ZNF600: variants seen among roughly 807,000 people sequenced by gnomAD.
ZNF600 encodes the protein zinc finger protein KR-ZNF1.
ZNF600 carries 4 observed loss-of-function variants against 7.3 expected under a neutral mutation model. The observed-to-expected ratio is 0.55, with a 90% CI of 0.27 to 1.25. The LOEUF (loss-of-function observed/expected upper bound fraction) is 1.25, where lower values mean the gene tolerates loss of function less well. Among genes scored for constraint, ZNF600 ranks in the 50% most tolerant of loss-of-function variants. The pLI, the probability that ZNF600 is intolerant of heterozygous loss-of-function variation, is 0.12. For synonymous variants in ZNF600, 290 were observed against 308.9 expected (o/e 0.94, Z 0.64); for missense variants, 911 against 922.1 (o/e 0.99, Z 0.16).
At chr19:52,798,735 G>C in the ZNF600 span, 1 of 516,738 alleles carries the variant, frequency 1.9e-6, no homozygotes, top group Admixed American at 2.4e-5. Flanking sequence ...ATATATGAAC[G>C]ATATCTGAAA....
the ZNF600 span, chr19:52,799,442 T>C: frequency 1.3e-5 from 10 of 777,014 alleles, no homozygotes; most frequent in African/African-American, 1.0e-4. Context: ...ATTTGTAAAG[T>C]TTCTCTGCAG....
chr19:52,777,118 G>A (rs1363700200), intron 2 of ZNF600, among the ~76,000 whole-genome samples: 1 of 152,046 alleles, frequency 6.6e-6, no homozygotes, highest in African/African-American at 2.4e-5. Flanking sequence ...TGGTGGCTCA[G>A]GCCTGTAATC....
intron 1 of ZNF600, among the ~76,000 whole-genome samples, chr19:52,784,206 T>C (rs938869917): frequency 6.6e-6 from 1 of 151,768 alleles, no homozygotes; most frequent in Non-Finnish European, 1.5e-5. Context: ...CTGGGAAACA[T>C]ACTGAAACCC....
the ZNF600 span, chr19:52,799,212 T>TC: frequency 2.6e-6 from 1 of 390,512 alleles, no homozygotes; most frequent in Non-Finnish European, 5.0e-6. Flanking sequence ...ACGAATTGCC[T>TC]TTTGAATTAC....
intron 3 of ZNF600, 63 bp downstream of exon 5, chr19:52,774,512 C>G: frequency 1.0e-6 from 1 of 966,162 alleles, no homozygotes; most frequent in Non-Finnish European, 1.2e-6. Flanking sequence ...GAACACAAAA[C>G]CAGGAAGGGC....
upstream of ZNF600, among the ~76,000 whole-genome samples, chr19:52,787,381 ATCTC>A (rs1304887134): frequency 7.1e-6 from 1 of 140,168 alleles, no homozygotes; most frequent in Non-Finnish European, 1.5e-5. Flanking sequence ...CCTCTTCCTG[ATCTC>A]TCTCTCGCTC....
the ZNF600 span, among the ~76,000 whole-genome samples, chr19:52,817,397 A>C: frequency 6.6e-6 from 1 of 152,084 alleles, no homozygotes; most frequent in Non-Finnish European, 1.5e-5. Context: ...TAATGAAGGA[A>C]TCATTAATGT....
chr19:52,822,074 C>CTTTTT, the ZNF600 span, among the ~76,000 whole-genome samples: 22,319 of 78,544 alleles, frequency 0.28, 3,735 homozygotes, highest in Non-Finnish European at 0.42. Flanking sequence ...TTCTTTTTCC[C>CTTTTT]TTTTTTTTTT....
chr19:52,771,975 TCAA>T (rs2062633731), intron 3 of ZNF600, among the ~76,000 whole-genome samples: 1 of 152,248 alleles, frequency 6.6e-6, no homozygotes, highest in African/African-American at 2.4e-5. Context: ...CATCTCATCA[TCAA>T]CATCACTGAA....
the ZNF600 span, among the ~76,000 whole-genome samples, chr19:52,803,899 G>A: frequency 6.6e-6 from 1 of 152,192 alleles, no homozygotes; most frequent in Non-Finnish European, 1.5e-5. Flanking sequence ...GAAGGTTGCA[G>A]TGAGCTGAGA....
chr19:52,816,183 T>C, the ZNF600 span, among the ~76,000 whole-genome samples: 1 of 144,872 alleles, frequency 6.9e-6, no homozygotes, highest in Non-Finnish European at 1.5e-5. Context: ...CCACAAAATA[T>C]ATACATCATG....
At chr19:52,819,274 G>C in the ZNF600 span, among the ~76,000 whole-genome samples, 1 of 140,780 alleles carries the variant, frequency 7.1e-6, no homozygotes, top group South Asian at 2.4e-4. Context: ...AGCAGGTGGA[G>C]GGTTCCCTGC....
chr19:52,815,651 C>T, the ZNF600 span, among the ~76,000 whole-genome samples: 1 of 146,462 alleles, frequency 6.8e-6, no homozygotes, highest in East Asian at 2.0e-4. Context: ...AATGAAACCC[C>T]ATCTCTACTA....
chr19:52,769,756 G>A (rs2062617549), intron 3 of ZNF600, among the ~76,000 whole-genome samples: 1 of 152,060 alleles, frequency 6.6e-6, no homozygotes, highest in Non-Finnish European at 1.5e-5. Context: ...GGTTTCACCA[G>A]GTTGACCAGG....
At chr19:52,790,772 G>A (rs1480402822), upstream of ZNF600, among the ~76,000 whole-genome samples, 1 of 139,652 alleles carries the variant, frequency 7.2e-6, no homozygotes, top group Non-Finnish European at 1.5e-5. Context: ...CTGTAACCTC[G>A]ACTTCCCGGA....
At chr19:52,775,404 G>A (rs1472331817) in intron 2 of ZNF600, among the ~76,000 whole-genome samples, 1 of 151,940 alleles carries the variant, frequency 6.6e-6, no homozygotes, top group African/African-American at 2.4e-5. Context: ...ACAAAAATTA[G>A]CTGGGTGTCG....
the ZNF600 span, among the ~76,000 whole-genome samples, chr19:52,818,937 G>C: frequency 1.5e-5 from 2 of 137,200 alleles, no homozygotes; most frequent in African/African-American, 5.7e-5. Context: ...ACAGAGATAA[G>C]AAGACTTGAG....
exon 4 of ZNF600, chr19:52,766,135 G>C (rs776979856): frequency 3.1e-6 from 5 of 1,613,982 alleles, no homozygotes; most frequent in Admixed American, 3.3e-5. Flanking sequence ...TGGCAATGAA[G>C]GTATGACCTC....
At chr19:52,774,896 C>G (rs961458759) in intron 2 of ZNF600, among the ~76,000 whole-genome samples, 195 bp from the exon 5 acceptor site, 1 of 152,030 alleles carries the variant, frequency 6.6e-6, no homozygotes, top group Admixed American at 6.6e-5. Flanking sequence ...TGCCATAAGT[C>G]ACTATGGAAG....
Sources: allele counts gnomAD v4.1 joint callset (sites outside exome capture counted in the v4.1 genomes callset), GRCh38; gene constraint gnomAD v4.1.1; transcripts MANE v1.5; gene names NCBI Gene and HGNC (gene_info 2026-07-23, HGNC 2026-07-21).